The following TMEM132B variants were observed in gnomAD, a reference collection of about 807,000 sequenced individuals.
TMEM132B encodes the protein transmembrane protein 132B.
Under a neutral mutation model 90.8 loss-of-function variants are expected in TMEM132B, and 18 were observed. The observed-to-expected ratio is 0.20, with a 90% CI of 0.14 to 0.29. The LOEUF (loss-of-function observed/expected upper bound fraction) is 0.29, where lower values mean the gene tolerates loss of function less well. Ranked by LOEUF, TMEM132B falls within the 10% of genes least tolerant of loss-of-function variation. The pLI is 1.00. For missense variants in TMEM132B, 1,096 were observed against 1,326.8 expected (o/e 0.83, Z 2.70); for synonymous variants, 504 against 523.3 (o/e 0.96, Z 0.50).
chr12:125,553,403 C>G (rs147717328), intron 4 of TMEM132B, among the ~76,000 whole-genome samples: 38 of 152,324 alleles, frequency 2.5e-4, no homozygotes, highest in African/African-American at 8.7e-4. Flanking sequence ...CAAGAACATA[C>G]TTGATGATGT....
At chr12:125,425,140 G>A (rs1952274009) in intron 3 of TMEM132B, among the ~76,000 whole-genome samples, 1 of 152,172 alleles carries the variant, frequency 6.6e-6, no homozygotes, top group South Asian at 2.1e-4. Flanking sequence ...TTAAGGAGAA[G>A]GTTGCAGTGC....
chr12:125,467,594 A>T (rs926164531), intron 3 of TMEM132B, among the ~76,000 whole-genome samples: 1 of 152,170 alleles, frequency 6.6e-6, no homozygotes, highest in African/African-American at 2.4e-5. Flanking sequence ...GTTTTGTGTA[A>T]TTTTTAAATT....
chr12:125,225,190 G>T (rs1020429534), intron 1 of TMEM132B, among the ~76,000 whole-genome samples: 2 of 152,240 alleles, frequency 1.3e-5, no homozygotes, highest in African/African-American at 2.4e-5. Context: ...TGAGGTGGCT[G>T]CCCAGGGCAG....
chr12:125,363,646 T>C (rs1352870), intron 2 of TMEM132B, among the ~76,000 whole-genome samples: 10,268 of 152,218 alleles, frequency 0.067, 1,111 homozygotes, highest in African/African-American at 0.22. Context: ...ATGTGCTTTT[T>C]ATCCATCCGT....
chr12:125,507,928 G>A (rs558699750), intron 3 of TMEM132B, among the ~76,000 whole-genome samples: 2 of 152,128 alleles, frequency 1.3e-5, no homozygotes, highest in Non-Finnish European at 2.9e-5. Flanking sequence ...TATTGCAGTC[G>A]CCCCGGCAAG....
chr12:125,383,900 G>A (rs1878752018), intron 2 of TMEM132B, among the ~76,000 whole-genome samples: 1 of 152,168 alleles, frequency 6.6e-6, no homozygotes, highest in Admixed American at 6.6e-5. Context: ...CTTTCTACTT[G>A]ATTTAATCAA....
In TMEM132B at chr12:125,556,335, G is replaced by T. The variant is rs149358111; in HGVS notation, c.1294-27516G>T. ...TAAATGCTTTTGGCTGCACGTCAAA[G>T]ACTATGATTAGAACCCACTGCTTCT... On this transcript the variant is annotated intron_variant, in intron 4 of 8. Transcript: ENST00000682704. Among the ~76,000 whole-genome samples, 434 of 152,330 alleles carry T rather than the reference G, an allele frequency of 2.8e-3. 1 individual carries two copies. The highest frequency in any genetic ancestry group is 1.0e-2 in the African/African-American group (414 of 41,574).
At chr12:125,409,459 G>C (rs1172550361) in intron 2 of TMEM132B, among the ~76,000 whole-genome samples, 1 of 152,096 alleles carries the variant, frequency 6.6e-6, no homozygotes, top group Admixed American at 6.5e-5. Flanking sequence ...AGCTGATTGA[G>C]GGGGGGCAAC....
chr12:125,362,280 T>A (rs1450024159), intron 2 of TMEM132B, among the ~76,000 whole-genome samples: 3 of 152,224 alleles, frequency 2.0e-5, no homozygotes, highest in African/African-American at 7.2e-5. Flanking sequence ...AACAAGGCTC[T>A]ATCACACCCT....
chr12:125,260,257 G>C (rs1209465696), intron 1 of TMEM132B, among the ~76,000 whole-genome samples: 1 of 152,182 alleles, frequency 6.6e-6, no homozygotes, highest in Non-Finnish European at 1.5e-5. Flanking sequence ...ATGAGTCTTG[G>C]TCTCTGGAGT....
intron 3 of TMEM132B, among the ~76,000 whole-genome samples, chr12:125,461,194 CGG>C (rs1881427315): frequency 6.6e-6 from 1 of 152,178 alleles, no homozygotes; most frequent in Non-Finnish European, 1.5e-5. Context: ...CTTCTTTAGG[CGG>C]GGCTATGAGT....
intron 4 of TMEM132B, among the ~76,000 whole-genome samples, chr12:125,564,481 G>A (rs1174369226): frequency 2.6e-5 from 4 of 152,092 alleles, no homozygotes; most frequent in Admixed American, 6.5e-5. Context: ...TTTTCTGTTC[G>A]GTTTTCTCAG....
chr12:125,309,304 C>A (rs748094121), intron 1 of TMEM132B, among the ~76,000 whole-genome samples: 1 of 152,192 alleles, frequency 6.6e-6, no homozygotes, highest in Non-Finnish European at 1.5e-5. Flanking sequence ...CCTTCCTCTA[C>A]CTGCCAGATG....
intron 2 of TMEM132B, among the ~76,000 whole-genome samples, chr12:125,376,621 C>T (rs1878497046): frequency 6.6e-6 from 1 of 152,210 alleles, no homozygotes; most frequent in African/African-American, 2.4e-5. Flanking sequence ...TTCCCCACTT[C>T]CTGGAGGGAT....
chr12:125,377,930 C>A (rs1193383317), intron 2 of TMEM132B, among the ~76,000 whole-genome samples: 16 of 152,142 alleles, frequency 1.1e-4, no homozygotes, highest in Non-Finnish European at 1.6e-4. Flanking sequence ...ATACAGCGCA[C>A]ACATACGGTC....
At chr12:125,578,963 G>A (rs1041006670) in intron 4 of TMEM132B, among the ~76,000 whole-genome samples, 8 of 152,086 alleles carry the variant, frequency 5.3e-5, no homozygotes, top group African/African-American at 1.7e-4. Context: ...TGAACTCTTG[G>A]ACGTGCAGAT....
chr12:125,209,934 G>A lies in TMEM132B; in HGVS notation c.67+23068G>A, dbSNP rs11058067. 0.017 allele frequency among the ~76,000 whole-genome samples: 2,648 copies of A among 152,148 alleles called. 125 individuals are homozygous for A. The highest frequency in any genetic ancestry group is 0.061 in the Admixed American group (926 of 15,298). On this transcript the variant is annotated intron_variant, in intron 1 of 8. Coordinates refer to ENST00000682704, the MANE Select transcript of TMEM132B (RefSeq NM_001366854.1). This position sits in a 1 kb window ranked among gnomAD's most constrained non-coding sequence, Gnocchi z 4.4. ...GAGTCTCGTAGGTGCCTGCTCATTC[G>A]CTTGGTCATTCATTCATTCATTCAA...
chr12:125,200,408 C>A (rs963245464), intron 1 of TMEM132B, among the ~76,000 whole-genome samples: 1 of 152,112 alleles, frequency 6.6e-6, no homozygotes, highest in African/African-American at 2.4e-5. Flanking sequence ...TATACATATA[C>A]CCCTTGTCTC....
intron 1 of TMEM132B, among the ~76,000 whole-genome samples, chr12:125,281,394 G>A (rs915269871): frequency 1.3e-5 from 2 of 152,134 alleles, no homozygotes; most frequent in African/African-American, 4.8e-5. Flanking sequence ...CATGGGTGGT[G>A]GCGGGAGAAA....
Sources: allele counts gnomAD v4.1 joint callset (sites outside exome capture counted in the v4.1 genomes callset), GRCh38; gene constraint gnomAD v4.1.1; non-coding constraint Gnocchi (gnomAD v3.1); transcripts MANE v1.5; gene names NCBI Gene and HGNC (gene_info 2026-07-23, HGNC 2026-07-21).